The following RSPH6A variants were observed in gnomAD, a reference collection of about 807,000 sequenced individuals.
RSPH6A encodes the protein radial spoke head 6 homolog A, also known as radial spoke head protein 6 homolog A.
RSPH6A carries 49 observed loss-of-function variants against 66.1 expected under a neutral mutation model. The ratio of observed to expected loss-of-function variants is 0.74; its 90% CI spans 0.59 to 0.94. The LOEUF (loss-of-function observed/expected upper bound fraction) is 0.94. Ranked by LOEUF, RSPH6A falls within the 40% of genes least tolerant of loss-of-function variation. The probability of loss-of-function intolerance (pLI) is 0.00; values close to 1 mark genes in which losing one functional copy is unlikely to be tolerated. For synonymous variants in RSPH6A, 419 were observed against 402.4 expected (o/e 1.04, Z -0.49); for missense variants, 977 against 948.3 (o/e 1.03, Z -0.40).
At position 45,804,848 on chromosome 19, in the gene RSPH6A, G is replaced by A. The variant is rs191402721; in HGVS notation, c.1057C>T (p.Arg353Cys). The A allele has an allele frequency of 2.3e-5, 37 of 1,614,170 alleles. No individual in the cohort carries two copies. In the African/African-American group the frequency reaches 3.2e-4, roughly 14 times the overall value. ...TCCACCTCGGCCACCAGGTAGCTGC[G>A]TTTGATTCCCAGGATCTTGCCCCAG... The part of the protein sequence containing the change: ...RFWGKILGIK[R>C]SYLVAEVEFR... The change falls in exon 3 of 6, where the codon CGC becomes TGC. Residue 353 changes from arginine (R) to cysteine (C), a missense_variant. Physicochemically the swap from Arg to Cys is radical, Grantham distance 180. Coordinates refer to ENST00000221538, the MANE Select transcript of RSPH6A (RefSeq NM_030785.4). The surrounding 1 kb of genome is among the most constrained non-coding windows in gnomAD (Gnocchi z 5.8).
At chr19:45,810,180 A>AT (rs1397215632) in intron 2 of RSPH6A, among the ~76,000 whole-genome samples, 2 of 149,400 alleles carry the variant, frequency 1.3e-5, no homozygotes, top group Admixed American at 6.6e-5. Context: ...TTATTTATTT[A>AT]TTTTTTTGAG....
rs574549310 is a variant in RSPH6A, at chr19:45,801,470, C to A, written c.1798+650G>T. On this transcript the variant is annotated intron_variant, in intron 4 of 5. Transcript: ENST00000221538. ...AAATTCCTGTCCATTCATCCAAAAT[C>A]CAGCTCCAGGTTGGGCACAGTGGCT... 1.2e-4 allele frequency among the ~76,000 whole-genome samples: 19 copies of A among 152,238 alleles called. No individual in the cohort carries two copies. The South Asian group carries it at 2.3e-3, about 18-fold the overall frequency.
In RSPH6A at chr19:45,804,045, A is replaced by G. The variant is rs912224899; in HGVS notation, c.1653+207T>C. ...AAGAAAAAGAAAAAAAAGAAGAAAGAAAGAAAAGAAAAAAAAATGCCTCTG... is the reference window on the plus strand; with the variant it reads ...AAGAAAAAGAAAAAAAAGAAGAAAGGAAGAAAAGAAAAAAAAATGCCTCTG... On this transcript the variant is annotated intron_variant, in intron 3 of 5. Transcript: ENST00000221538. This position sits in a 1 kb window ranked among gnomAD's most constrained non-coding sequence, Gnocchi z 5.8. 6.6e-6 allele frequency among the ~76,000 whole-genome samples: 1 copy of G among 151,970 alleles called. No homozygotes were observed. Among genetic ancestry groups the G allele is most frequent in the Non-Finnish European group, 1.5e-5 (1 of 68,002 alleles).
chr19:45,808,281 A>G (rs1205763091), intron 2 of RSPH6A, among the ~76,000 whole-genome samples: 1 of 152,200 alleles, frequency 6.6e-6, no homozygotes, highest in South Asian at 2.1e-4. Flanking sequence ...ACAACAAATT[A>G]GCCAGGCGTG....
rs201073138 is a variant in RSPH6A at position 45,797,376 on chromosome 19, G to C, written c.1917-1270C>G. ...AGCCTGGGTGACAGAGTGAGACTCT[G>C]TCTCAAAAAAAAAAAAAAGAAATAA... On this transcript the variant is annotated intron_variant, in intron 5 of 5. Coordinates refer to ENST00000221538, the MANE Select transcript of RSPH6A (RefSeq NM_030785.4). Among the ~76,000 whole-genome samples, 113 of 140,668 alleles carry C rather than the reference G, an allele frequency of 8.0e-4. 1 individual carries two copies. The East Asian group carries it at 0.021, about 27-fold the overall frequency. 92.3% of individuals were successfully genotyped at this position (140,668 alleles called of 152,430 possible).
intron 2 of RSPH6A, among the ~76,000 whole-genome samples, chr19:45,807,982 G>A (rs1013955400): frequency 3.3e-5 from 5 of 152,190 alleles, no homozygotes; most frequent in African/African-American, 1.2e-4. Context: ...TGACGATTCT[G>A]TGTGAGAAAA....
At chr19:45,797,015 G>A (rs1451242452) in intron 5 of RSPH6A, among the ~76,000 whole-genome samples, 2 of 152,120 alleles carry the variant, frequency 1.3e-5, no homozygotes, top group African/African-American at 4.8e-5. Context: ...GCTGCAGTAA[G>A]TTGTGATCAT....
At chr19:45,798,888 G>A (rs916465997) in intron 5 of RSPH6A, among the ~76,000 whole-genome samples, 1 of 151,750 alleles carries the variant, frequency 6.6e-6, no homozygotes, top group African/African-American at 2.4e-5. Flanking sequence ...GGAACAATGG[G>A]TGGACACAGA....
rs1478813495 is a variant in RSPH6A, at chr19:45,804,602, C to A, written c.1303G>T (p.Gly435Cys). 1.2e-6 allele frequency: 2 copies of A among 1,614,028 alleles called. No individual in the cohort carries two copies. The highest frequency in any genetic ancestry group is 1.7e-6 in the Non-Finnish European group (2 of 1,180,042). Residue 435 changes from glycine (G) to cysteine (C), a missense_variant, in exon 3 of 6, where the codon GGC becomes TGC. Transcript: ENST00000221538. This position sits in a 1 kb window ranked among gnomAD's most constrained non-coding sequence, Gnocchi z 5.8. ...TGGGGCAGCCGCGTCCATGGCAGGC[C>A]CGGCTCGTTGCACACAAAGTACAGG... is the stretch of plus-strand genomic sequence containing the variant. ...KYLYFVCNEPGLPWTRLPHVT... is the reference protein window; with the variant it reads ...KYLYFVCNEPCLPWTRLPHVT...
At position 45,804,004 on chromosome 19, in the gene RSPH6A, AAAGAAAAG is replaced by A. The variant is rs1970506564; in HGVS notation, c.1653+240_1653+247del. On this transcript the variant is annotated intron_variant, in intron 3 of 5. Coordinates refer to ENST00000221538, the MANE Select transcript of RSPH6A (RefSeq NM_030785.4). This position sits in a 1 kb window ranked among gnomAD's most constrained non-coding sequence, Gnocchi z 5.8. ...GCGAGACTCTGTCTCAAAAAAAAAA[AAAGAAAAG>A]AAAAGAAAAGAAAAAGAAAAAAAAG... Among the ~76,000 whole-genome samples, 1 of 147,194 alleles carries A rather than the reference AAAGAAAAG, an allele frequency of 6.8e-6. No homozygotes were observed. Among genetic ancestry groups the A allele is most frequent in the African/African-American group, 2.5e-5 (1 of 40,740 alleles).
rs541048426 is a variant in RSPH6A, at chr19:45,807,506, C to T, written c.889-2490G>A. Among the ~76,000 whole-genome samples the T allele has an allele frequency of 4.1e-4, 61 of 148,782 alleles. No individual in the cohort carries two copies. In the Middle Eastern group the frequency reaches 0.015, roughly 36 times the overall value. On this transcript the variant is annotated intron_variant, in intron 2 of 5. Coordinates refer to ENST00000221538, the MANE Select transcript of RSPH6A (RefSeq NM_030785.4). ...CTGGGATTACAAGCGTGAGCCACTG[C>T]GCCCGGCCCATTACTATTTTTTGAG...
chr19:45,804,284 A>G lies in RSPH6A; in HGVS notation c.1621T>C (p.Trp541Arg), dbSNP rs1201690819. ...AGGATGTGCTGTGTGTGATGCACCC[A>G]GTTGGCCATGGAGTCGACCAGCTCC... ...VLELVDSMAN[W>R]VHHTQHILPQ... Residue 541 changes from tryptophan to arginine, a missense_variant, in exon 3 of 6, where the codon TGG becomes CGG. Trp to Arg is a moderately radical substitution (Grantham distance 101). Coordinates refer to ENST00000221538, the MANE Select transcript of RSPH6A (RefSeq NM_030785.4). The surrounding 1 kb of genome is among the most constrained non-coding windows in gnomAD (Gnocchi z 5.8). The G allele has an allele frequency of 2.5e-6, 4 of 1,613,384 alleles. No homozygotes were observed. The Admixed American group carries it at 5.0e-5, about 20-fold the overall frequency.
Position 45,800,434 on chromosome 19 carries a change from G to C in RSPH6A, c.1916+12C>G, listed in dbSNP as rs760668737. ...AGATTCTCCTGCTGGGAGGGGCTGG[G>C]GGAAGACCTACTTGCCACTGGCATA... On this transcript the variant is annotated intron_variant, in intron 5 of 5. Transcript: ENST00000221538. 6.2e-7 allele frequency: 1 copy of C among 1,608,310 alleles called. No individual in the cohort carries two copies. The highest frequency in any genetic ancestry group is 1.1e-5 in the South Asian group (1 of 90,886).
intron 1 of RSPH6A, 95 bp downstream of exon 1, chr19:45,814,432 G>T: frequency 1.7e-6 from 2 of 1,162,684 alleles, no homozygotes; most frequent in Non-Finnish European, 2.3e-6. Flanking sequence ...TTCCATGAGG[G>T]ATGATCCCTT....
In RSPH6A at chr19:45,804,996, G is replaced by A. The variant is rs760811953; in HGVS notation, c.909C>T (p.Asn303=). ...EEEVGETPVP[N]IMETAFYFEQ... is the part of the protein sequence containing the mutation. ...CGAAGTAGAAGGCAGTCTCCATGATGTTGGGCACTGGTGTCTCCCCCTGCG... is the reference window on the plus strand; with the variant it reads ...CGAAGTAGAAGGCAGTCTCCATGATATTGGGCACTGGTGTCTCCCCCTGCG... Residue 303 remains asparagine (N), a synonymous_variant, in exon 3 of 6, where the codon AAC becomes AAT. Transcript: ENST00000221538. This position sits in a 1 kb window ranked among gnomAD's most constrained non-coding sequence, Gnocchi z 5.8. 1.1e-5 allele frequency: 17 copies of A among 1,611,366 alleles called. No homozygotes were observed. The East Asian group carries it at 3.6e-4, about 34-fold the overall frequency.
In RSPH6A at chr19:45,800,463, A is replaced by T; in HGVS notation, c.1899T>A (p.Tyr633Ter). 1 of 1,613,060 alleles carries T rather than the reference A, an allele frequency of 6.2e-7. No individual in the cohort carries two copies. The highest frequency in any genetic ancestry group is 8.5e-7 in the Non-Finnish European group (1 of 1,179,778). ...VVRSNLWPGAYAYASGKKFEN... is the reference protein window; with the variant it reads ...VVRSNLWPGA The stretch of plus-strand genomic sequence containing the variant: ...AGACCTACTTGCCACTGGCATAGGC[A>T]TAGGCCCCGGGCCAGAGGTTGGAGC... The change falls in exon 5 of 6, where the codon TAT becomes TAA. Residue 633 changes from tyrosine to a stop codon, truncating the protein, a stop_gained. Transcript: ENST00000221538. LOFTEE classifies it high-confidence loss of function.
intron 5 of RSPH6A, among the ~76,000 whole-genome samples, chr19:45,797,124 C>T (rs1262397365): frequency 1.3e-5 from 2 of 151,556 alleles, no homozygotes; most frequent in African/African-American, 2.4e-5. Context: ...CGCCTGCAAT[C>T]CCAGCACTTT....
rs1970515498 is a variant in RSPH6A, at chr19:45,804,565, G to A, written c.1340C>T (p.Ala447Val). Reference protein sequence around the residue: ...PWTRLPHVTPAQIVNARKIKK... With the variant: ...PWTRLPHVTPVQIVNARKIKK... ...GATCTTTCGGGCGTTCACGATCTGG[G>A]CTGGAGTGACGTGGGGCAGCCGCGT... Residue 447 changes from alanine to valine, a missense_variant, in exon 3 of 6, where the codon GCC becomes GTC. Coordinates refer to ENST00000221538, the MANE Select transcript of RSPH6A (RefSeq NM_030785.4). The surrounding 1 kb of genome is among the most constrained non-coding windows in gnomAD (Gnocchi z 5.8). The A allele has an allele frequency of 3.7e-6, 6 of 1,614,214 alleles. No homozygotes were observed. The highest frequency in any genetic ancestry group is 5.1e-6 in the Non-Finnish European group (6 of 1,180,046).
Position 45,802,206 on chromosome 19 carries a change from T to C in RSPH6A, c.1712A>G (p.Glu571Gly). ...QKTEEEEDLG[E>G]EEEKADEGPE... Reference sequence around the variant, plus strand: ...CCCCTCATCTGCCTTCTCTTCCTCCTCCCCCAGGTCCTCCTCCTCCTCTGT... The same window carrying C: ...CCCCTCATCTGCCTTCTCTTCCTCCCCCCCCAGGTCCTCCTCCTCCTCTGT... Residue 571 changes from glutamate to glycine, a missense_variant, in exon 4 of 6, where the codon GAG becomes GGG. By Grantham distance (98) the Glu-to-Gly change is moderately conservative (BLOSUM62 -2). Transcript: ENST00000221538. 1 of 1,546,168 alleles carries C rather than the reference T, an allele frequency of 6.5e-7. No individual in the cohort carries two copies. The highest frequency in any genetic ancestry group is 8.8e-7 in the Non-Finnish European group (1 of 1,141,760).
Sources: allele counts gnomAD v4.1 joint callset (sites outside exome capture counted in the v4.1 genomes callset), GRCh38; gene constraint gnomAD v4.1.1; non-coding constraint Gnocchi (gnomAD v3.1); transcripts MANE v1.5; gene names NCBI Gene and HGNC (gene_info 2026-07-23, HGNC 2026-07-21).